Variants in TGFBR3 observed in about 807,000 individuals in gnomAD.
The protein encoded by TGFBR3 is transforming growth factor beta receptor type 3.
A neutral mutation model predicts 87.9 loss-of-function variants in TGFBR3; 46 were observed. The observed-to-expected ratio is 0.52, with a 90% CI of 0.41 to 0.67. The LOEUF (loss-of-function observed/expected upper bound fraction) is 0.67, where lower values mean the gene tolerates loss of function less well. Ranked by LOEUF, TGFBR3 falls within the 30% of genes least tolerant of loss-of-function variation. The pLI, the probability that TGFBR3 is intolerant of heterozygous loss-of-function variation, is 0.00. For synonymous variants in TGFBR3, 381 were observed against 391.6 expected (o/e 0.97, Z 0.32); for missense variants, 866 against 1,041.9 (o/e 0.83, Z 2.32).
chr1:91,793,019 G>A (rs764175054), intron 3 of TGFBR3, among the ~76,000 whole-genome samples: 5 of 152,178 alleles, frequency 3.3e-5, no homozygotes, highest in East Asian at 1.9e-4. Flanking sequence ...CAGGGAGGCC[G>A]ATGACAAAAC....
intron 2 of TGFBR3, among the ~76,000 whole-genome samples, chr1:91,817,481 C>G (rs995663542): frequency 2.0e-5 from 3 of 152,200 alleles, no homozygotes; most frequent in African/African-American, 7.2e-5. Context: ...AGTGTTCAGA[C>G]AGAAACTTCT....
chr1:91,699,683 G>C (rs1671558175), intron 14 of TGFBR3, among the ~76,000 whole-genome samples: 1 of 152,134 alleles, frequency 6.6e-6, no homozygotes, highest in South Asian at 2.1e-4. Context: ...CACTGTTTTG[G>C]AAATGAGCAG....
chr1:91,892,045 TG>T (rs1679462581), intron 2 of TGFBR3, among the ~76,000 whole-genome samples: 1 of 152,234 alleles, frequency 6.6e-6, no homozygotes, highest in Non-Finnish European at 1.5e-5. Flanking sequence ...ACAGAGATTT[TG>T]GACATAAAAA....
Position 91,683,724 on chromosome 1 carries a change from T to C in TGFBR3, c.*15A>G, listed in dbSNP as rs375168931. On this transcript the variant is annotated 3_prime_UTR_variant, in exon 17 of 17. Transcript: ENST00000212355. ...CTGGGCTGGGCTGGGTTGGGCCGGG[T>C]TGGGCTGGGTTGGGCTAGGCCGTGC... The C allele has an allele frequency of 2.9e-5, 45 of 1,542,796 alleles. No individual in the cohort carries two copies. The highest frequency in any genetic ancestry group is 2.2e-4 in the Middle Eastern group (1 of 4,630).
chr1:91,695,834 T>C (rs1207413851), intron 15 of TGFBR3, 55 bp from the exon 16 acceptor site: 7 of 1,383,988 alleles, frequency 5.1e-6, no homozygotes, highest in Admixed American at 1.7e-5. Context: ...GCATCATGCA[T>C]TGCAATTTTA....
chr1:91,735,348 T>C (rs1336189123), intron 4 of TGFBR3, among the ~76,000 whole-genome samples: 1 of 152,198 alleles, frequency 6.6e-6, no homozygotes, highest in East Asian at 1.9e-4. Context: ...AGCTTCAGGA[T>C]CAAGACAAGT....
upstream of TGFBR3, chr1:91,886,170 C>T (rs534299193): frequency 7.9e-5 from 36 of 454,002 alleles, no homozygotes; most frequent in East Asian, 1.5e-3. Context: ...CAGGCCGACC[C>T]GGCGCACTCG....
intron 3 of TGFBR3, among the ~76,000 whole-genome samples, chr1:91,796,538 AC>A (rs1675389078): frequency 1.3e-5 from 2 of 152,208 alleles, no homozygotes; most frequent in African/African-American, 4.8e-5. Flanking sequence ...AGTACAAAGT[AC>A]CGCCATCTTT....
intron 2 of TGFBR3, among the ~76,000 whole-genome samples, chr1:91,803,728 T>C (rs1675729979): frequency 6.6e-6 from 1 of 152,030 alleles, no homozygotes; most frequent in African/African-American, 2.4e-5. Flanking sequence ...AGGAACACAT[T>C]CCCCACCGTT....
intron 13 of TGFBR3, 84 bp from the exon 14 acceptor site, chr1:91,708,867 C>A: frequency 6.4e-7 from 1 of 1,564,608 alleles, no homozygotes; most frequent in Admixed American, 1.8e-5. Flanking sequence ...TGTCCTGTGG[C>A]CTTTTATCAG....
chr1:91,747,352 G>A (rs1673383564), intron 4 of TGFBR3, among the ~76,000 whole-genome samples: 1 of 152,210 alleles, frequency 6.6e-6, no homozygotes, highest in Non-Finnish European at 1.5e-5. Context: ...AAAAGGAAAA[G>A]CAGTGAGGCA....
At chr1:91,717,422 C>T (rs552351237) in intron 10 of TGFBR3, among the ~76,000 whole-genome samples, 15 of 152,034 alleles carry the variant, frequency 9.9e-5, no homozygotes, top group South Asian at 2.1e-4. Context: ...CCACCTTTTT[C>T]GCTATCCACC....
chr1:91,779,554 G>A (rs1674691535), intron 3 of TGFBR3, among the ~76,000 whole-genome samples: 1 of 152,148 alleles, frequency 6.6e-6, no homozygotes, highest in Non-Finnish European at 1.5e-5. Context: ...GTCAGAAGTG[G>A]GCAGATTCAG....
chr1:91,862,524 T>C (rs1678240306), intron 1 of TGFBR3, among the ~76,000 whole-genome samples: 1 of 152,192 alleles, frequency 6.6e-6, no homozygotes, highest in Non-Finnish European at 1.5e-5. Context: ...GACTCAAGGA[T>C]CTAGAAGGTT....
chr1:91,736,768 A>G (rs1250489541), intron 4 of TGFBR3, among the ~76,000 whole-genome samples: 1 of 152,204 alleles, frequency 6.6e-6, no homozygotes, highest in Non-Finnish European at 1.5e-5. Flanking sequence ...ACCAAAACCC[A>G]CAACAGTCCA....
At chr1:91,807,360 G>C (rs1675871187) in intron 2 of TGFBR3, among the ~76,000 whole-genome samples, 1 of 152,128 alleles carries the variant, frequency 6.6e-6, no homozygotes, top group Admixed American at 6.5e-5. Flanking sequence ...TCTTATCATG[G>C]TTTCTTTCAC....
intron 3 of TGFBR3, among the ~76,000 whole-genome samples, chr1:91,794,014 T>A (rs779248327): frequency 6.6e-6 from 1 of 152,146 alleles, no homozygotes; most frequent in African/African-American, 2.4e-5. Context: ...TAAAAGTGAA[T>A]TGAGCCAACG....
intron 14 of TGFBR3, among the ~76,000 whole-genome samples, chr1:91,701,457 G>T (rs1054142844): frequency 9.9e-5 from 15 of 152,134 alleles, no homozygotes; most frequent in African/African-American, 3.6e-4. Context: ...ATAAGATTAA[G>T]ATTATAAGAA....
At chr1:91,832,429 T>A (rs2489185) in intron 2 of TGFBR3, among the ~76,000 whole-genome samples, 17,331 of 152,172 alleles carry the variant, frequency 0.11, 1,265 homozygotes, top group East Asian at 0.38. Context: ...AACATTATTA[T>A]CTATGGAGTG....
Sources: allele counts gnomAD v4.1 joint callset (sites outside exome capture counted in the v4.1 genomes callset), GRCh38; gene constraint gnomAD v4.1.1; transcripts MANE v1.5; gene names NCBI Gene and HGNC (gene_info 2026-07-23, HGNC 2026-07-21).